NLGN1: variants seen among roughly 807,000 people sequenced by gnomAD.
The protein encoded by NLGN1 is neuroligin 1.
NLGN1 carries 12 observed loss-of-function variants against 65.5 expected under a neutral mutation model. The observed-to-expected ratio is 0.18, with a 90% CI of 0.12 to 0.30. The LOEUF is 0.30. Ranked by LOEUF, NLGN1 falls within the 10% of genes least tolerant of loss-of-function variation. The pLI is 1.00. For synonymous variants in NLGN1, 350 were observed against 359.5 expected, an observed-to-expected ratio of 0.97 and a Z score of 0.30; for missense variants, 750 against 1,007.1, an observed-to-expected ratio of 0.74 and a Z score of 3.46.
At chr3:174,153,129 G>A (rs567843534) in intron 4 of NLGN1, among the ~76,000 whole-genome samples, 2 of 152,086 alleles carry the variant, frequency 1.3e-5, no homozygotes, top group African/African-American at 2.4e-5. Context: ...GATTTCATAG[G>A]CTTCAAATCT....
At chr3:174,032,871 G>A (rs925888325) in intron 4 of NLGN1, among the ~76,000 whole-genome samples, 3 of 151,990 alleles carry the variant, frequency 2.0e-5, no homozygotes, top group East Asian at 1.9e-4. Context: ...TAGCCTTCCC[G>A]TTTTCTAACC....
At chr3:173,505,572 A>G (rs770049862) in intron 2 of NLGN1, among the ~76,000 whole-genome samples, 3 of 152,066 alleles carry the variant, frequency 2.0e-5, no homozygotes, top group African/African-American at 4.8e-5. Flanking sequence ...GCTCCTTGGT[A>G]TACTGTTCCT....
chr3:174,174,265 A>T (rs376442577), intron 4 of NLGN1, among the ~76,000 whole-genome samples: 2 of 151,964 alleles, frequency 1.3e-5, no homozygotes, highest in African/African-American at 4.8e-5. Flanking sequence ...TTGCAAGTGT[A>T]ATTGTGCTGC....
intron 4 of NLGN1, among the ~76,000 whole-genome samples, chr3:174,068,086 C>T (rs1339475277): frequency 6.6e-6 from 1 of 151,988 alleles, no homozygotes; most frequent in African/African-American, 2.4e-5. Context: ...CTTGCTTTGA[C>T]TACTGGAAAT....
intron 3 of NLGN1, among the ~76,000 whole-genome samples, chr3:173,633,575 C>G (rs1235673564): frequency 6.6e-6 from 1 of 152,122 alleles, no homozygotes; most frequent in Non-Finnish European, 1.5e-5. Context: ...TCAGAAATAT[C>G]TAATTCAAAC....
rs1560302570 is a variant in NLGN1 at position 173,472,794 on chromosome 3, AT to A, written c.-321+37718del. 3.3e-5 allele frequency among the ~76,000 whole-genome samples: 5 copies of A among 152,202 alleles called. No individual in the cohort carries two copies. The East Asian group carries it at 9.7e-4, about 29-fold the overall frequency. On this transcript the variant is annotated intron_variant, in intron 2 of 6. Transcript: ENST00000457714. ...GCATCTTTTTTCTCAGCATTTTTCAATTGTCGACCTAAAAAAGAATTGTCTG... is the reference window on the plus strand; with the variant it reads ...GCATCTTTTTTCTCAGCATTTTTCAATGTCGACCTAAAAAAGAATTGTCTG...
chr3:173,814,471 T>C (rs1344274831), intron 4 of NLGN1, among the ~76,000 whole-genome samples: 1 of 152,182 alleles, frequency 6.6e-6, no homozygotes, highest in Non-Finnish European at 1.5e-5. Flanking sequence ...GGTAATGATA[T>C]TTTGCAAAGT....
chr3:174,207,009 A>G (rs1374970087), intron 4 of NLGN1, among the ~76,000 whole-genome samples: 1 of 152,102 alleles, frequency 6.6e-6, no homozygotes, highest in African/African-American at 2.4e-5. Flanking sequence ...ACACACATCA[A>G]TCAAAGATCC....
At chr3:173,469,412 T>C (rs1294312024) in intron 2 of NLGN1, among the ~76,000 whole-genome samples, 3 of 152,076 alleles carry the variant, frequency 2.0e-5, no homozygotes, top group African/African-American at 7.2e-5. Flanking sequence ...CCTCCTTTTC[T>C]AATAGTTCCT....
intron 4 of NLGN1, among the ~76,000 whole-genome samples, chr3:173,908,692 G>A (rs946612172): frequency 6.6e-6 from 1 of 152,162 alleles, no homozygotes; most frequent in African/African-American, 2.4e-5. Flanking sequence ...AAACTCAGGG[G>A]CAATTAATAC....
intron 4 of NLGN1, among the ~76,000 whole-genome samples, chr3:173,998,136 T>C (rs987168173): frequency 1.0e-3 from 158 of 152,176 alleles, no homozygotes; most frequent in African/African-American, 3.5e-3. Flanking sequence ...CCAACAAGGA[T>C]ACATAGCTCT....
At chr3:173,525,230 TTTGTTGTTG>T (rs34726754) in intron 2 of NLGN1, among the ~76,000 whole-genome samples, 69 of 150,350 alleles carry the variant, frequency 4.6e-4, no homozygotes, top group Middle Eastern at 3.4e-3. Flanking sequence ...GGGTGGGTTT[TTTGTTGTTG>T]TTGTTGTTGT....
chr3:174,053,821 C>A (rs888819417), intron 4 of NLGN1, among the ~76,000 whole-genome samples: 4 of 151,928 alleles, frequency 2.6e-5, no homozygotes, highest in African/African-American at 9.7e-5. Context: ...ACATTCACAG[C>A]ATTACATTAC....
intron 3 of NLGN1, among the ~76,000 whole-genome samples, chr3:173,766,111 C>G (rs1336270883): frequency 6.9e-6 from 1 of 145,620 alleles, no homozygotes; most frequent in East Asian, 2.0e-4. Context: ...TTTTCTGAGA[C>G]AGAGTCTTGC....
intron 3 of NLGN1, among the ~76,000 whole-genome samples, chr3:173,763,482 T>C (rs1416407426): frequency 6.6e-6 from 1 of 152,152 alleles, no homozygotes; most frequent in Non-Finnish European, 1.5e-5. Flanking sequence ...ACTTTTTGTA[T>C]TACAAATATA....
At chr3:174,043,172 C>T (rs1732739766) in intron 4 of NLGN1, among the ~76,000 whole-genome samples, 1 of 152,162 alleles carries the variant, frequency 6.6e-6, no homozygotes, top group Admixed American at 6.6e-5. Flanking sequence ...CCTGATCCCT[C>T]CCACGACATG....
At chr3:173,993,871 T>C (rs1431832113) in intron 4 of NLGN1, among the ~76,000 whole-genome samples, 1 of 151,968 alleles carries the variant, frequency 6.6e-6, no homozygotes, top group Non-Finnish European at 1.5e-5. Flanking sequence ...GCATTTGGTA[T>C]GTGTTTGTGT....
chr3:173,901,819 C>G (rs1005728954), intron 4 of NLGN1, among the ~76,000 whole-genome samples: 2 of 152,018 alleles, frequency 1.3e-5, no homozygotes, highest in African/African-American at 4.8e-5. Context: ...TTCAAGAAAT[C>G]TGAGCTGAAT....
intron 4 of NLGN1, among the ~76,000 whole-genome samples, chr3:174,245,723 A>C (rs1046649519): frequency 6.6e-6 from 1 of 152,180 alleles, no homozygotes; most frequent in African/African-American, 2.4e-5. Context: ...GTTTTCTAAA[A>C]GTAAATTTTA....
Sources: gnomAD v4.1 joint callset for allele counts (sites outside exome capture counted in the v4.1 genomes callset) on GRCh38, gnomAD v4.1.1 for gene constraint, MANE v1.5 for transcripts, NCBI Gene and HGNC (gene_info 2026-07-23, HGNC 2026-07-21) for gene names.